EEF1AKMT2: variants seen among roughly 807,000 people sequenced by gnomAD.
EEF1AKMT2 encodes eukaryotic translation elongation factor 1 alpha lysine methyltransferase 2.
A neutral mutation model predicts 35.8 loss-of-function variants in EEF1AKMT2; 32 were observed. The observed-to-expected ratio is 0.89, with a 90% CI of 0.67 to 1.20. The LOEUF (loss-of-function observed/expected upper bound fraction) is 1.20, where lower values mean the gene tolerates loss of function less well. Ranked by LOEUF, EEF1AKMT2 falls within the 50% of genes most tolerant of loss-of-function variation. The pLI, the probability that EEF1AKMT2 is intolerant of heterozygous loss-of-function variation, is 0.00. For synonymous variants in EEF1AKMT2, 121 were observed against 133.7 expected (o/e 0.91, Z 0.65); for missense variants, 330 against 347.5 (o/e 0.95, Z 0.40).
At chr10:124,784,101 G>A (rs1246639275) in intron 3 of EEF1AKMT2, among the ~76,000 whole-genome samples, 1 of 152,116 alleles carries the variant, frequency 6.6e-6, no homozygotes, top group African/African-American at 2.4e-5. Flanking sequence ...TGGGATTACA[G>A]GTGTAAGCCA....
chr10:124,761,912 ACT>A (rs1377890674), intron 6 of EEF1AKMT2, among the ~76,000 whole-genome samples: 2 of 152,192 alleles, frequency 1.3e-5, no homozygotes, highest in Admixed American at 1.3e-4. Flanking sequence ...ACAGAGCCAG[ACT>A]CTGTCTCAAA....
chr10:124,790,562 A>T (rs1223538067), intron 1 of EEF1AKMT2, among the ~76,000 whole-genome samples: 1 of 152,098 alleles, frequency 6.6e-6, no homozygotes, highest in Non-Finnish European at 1.5e-5. Context: ...AGCATTTAGG[A>T]CAATATCTGA....
intron 4 of EEF1AKMT2, among the ~76,000 whole-genome samples, chr10:124,771,310 A>G (rs1950432642): frequency 6.6e-6 from 1 of 151,776 alleles, no homozygotes; most frequent in Non-Finnish European, 1.5e-5. Flanking sequence ...CATGTTAGCC[A>G]GGATGGTCTT....
chr10:124,790,409 A>ATT, intron 1 of EEF1AKMT2, 71 bp from the exon 2 acceptor site: 1 of 1,070,470 alleles, frequency 9.3e-7, no homozygotes, highest in East Asian at 2.4e-5. Context: ...GTATGTTTCT[A>ATT]ATACATTACA....
chr10:124,768,564 C>A (rs982689994), intron 4 of EEF1AKMT2, among the ~76,000 whole-genome samples: 7 of 152,006 alleles, frequency 4.6e-5, no homozygotes, highest in Admixed American at 3.3e-4. Flanking sequence ...GAGCGACGTG[C>A]TGAAATCCCA....
intron 3 of EEF1AKMT2, among the ~76,000 whole-genome samples, chr10:124,776,991 T>C (rs1950492842): frequency 6.6e-6 from 1 of 151,532 alleles, no homozygotes; most frequent in South Asian, 2.1e-4. Context: ...ATCAAAGACA[T>C]AATATGGGCC....
At chr10:124,789,454 CT>C (rs1254277995) in intron 2 of EEF1AKMT2, among the ~76,000 whole-genome samples, 1 of 152,158 alleles carries the variant, frequency 6.6e-6, no homozygotes, top group Non-Finnish European at 1.5e-5. Flanking sequence ...GGGTGAAATG[CT>C]GTCATCAAAC....
At chr10:124,783,395 T>C (rs1328965138) in intron 3 of EEF1AKMT2, among the ~76,000 whole-genome samples, 7 of 152,100 alleles carry the variant, frequency 4.6e-5, no homozygotes, top group Admixed American at 4.6e-4. Flanking sequence ...CCACCGGCCT[T>C]GGCCTCCCAG....
intron 3 of EEF1AKMT2, among the ~76,000 whole-genome samples, chr10:124,779,417 GCCA>G (rs1950517119): frequency 6.7e-6 from 1 of 149,216 alleles, no homozygotes; most frequent in African/African-American, 2.4e-5. Flanking sequence ...ATAGGTGTGA[GCCA>G]CCATGCCCAG....
At chr10:124,789,480 T>G (rs1224736397) in intron 2 of EEF1AKMT2, among the ~76,000 whole-genome samples, 1 of 152,102 alleles carries the variant, frequency 6.6e-6, no homozygotes, top group African/African-American at 2.4e-5. Context: ...ATGTGAGATA[T>G]TAAAAGAGGG....
rs1564897674 is a variant in EEF1AKMT2, at chr10:124,757,901, G to A, written c.*2602C>T. ...AGGTTTGATTCTCACATACATAAATGCCAGTCCCAAAAAGCAACTCTAACT... is the reference window on the plus strand; with the variant it reads ...AGGTTTGATTCTCACATACATAAATACCAGTCCCAAAAAGCAACTCTAACT... On this transcript the variant is annotated 3_prime_UTR_variant, in exon 7 of 7. Coordinates refer to ENST00000368836, the MANE Select transcript of EEF1AKMT2 (RefSeq NM_212554.4). The A allele has an allele frequency of 6.6e-6, 1 of 152,094 alleles. No homozygotes were observed. The highest frequency in any genetic ancestry group is 1.5e-5 in the Non-Finnish European group (1 of 68,028). The allele number at this position is 152,094 out of a possible 1,614,324, so 9.4% of individuals were successfully genotyped here. A position where few individuals can be genotyped will look rare whatever the true frequency, so the allele number is the denominator to read the frequency against.
At chr10:124,779,874 AAC>A (rs1473904531) in intron 3 of EEF1AKMT2, among the ~76,000 whole-genome samples, 1 of 151,132 alleles carries the variant, frequency 6.6e-6, no homozygotes, top group Admixed American at 6.6e-5. Flanking sequence ...CATCCTGGCT[AAC>A]AGAGTGAAAC....
At chr10:124,776,011 G>A (rs998246018) in intron 3 of EEF1AKMT2, among the ~76,000 whole-genome samples, 3 of 151,252 alleles carry the variant, frequency 2.0e-5, no homozygotes, top group South Asian at 2.1e-4. Flanking sequence ...TCTGCCTCCC[G>A]GGTTCACACC....
chr10:124,782,454 C>T (rs1364130610), intron 3 of EEF1AKMT2, among the ~76,000 whole-genome samples: 2 of 150,970 alleles, frequency 1.3e-5, no homozygotes, highest in South Asian at 2.1e-4. Context: ...TGGTAGCGGG[C>T]GCCTGTAGTC....
At chr10:124,757,065 A>AT (rs1185050686), downstream of EEF1AKMT2, among the ~76,000 whole-genome samples, 4 of 152,076 alleles carry the variant, frequency 2.6e-5, no homozygotes, top group African/African-American at 9.6e-5. Flanking sequence ...TCAGCCATAT[A>AT]TGCTCTTCAC....
intron 3 of EEF1AKMT2, chr10:124,782,807 CTG>C (rs1017991232): frequency 4.8e-5 from 8 of 167,880 alleles, no homozygotes; most frequent in African/African-American, 3.2e-4. Flanking sequence ...GAGTGAAACT[CTG>C]TCTCAAAAAA....
rs974609911 is a variant in EEF1AKMT2 at position 124,789,128 on chromosome 10, A to G, written c.206T>C (p.Ile69Thr). ...WFGEESMNRLIRWMQKHKIPL... is the reference protein window; with the variant it reads ...WFGEESMNRLTRWMQKHKIPL... The stretch of plus-strand genomic sequence containing the variant: ...AATCTTGTGTTTCTGCATCCACCTT[A>G]TTAGTCGATTCATACTCTCTTCTCC... Residue 69 changes from isoleucine to threonine, a missense_variant, in exon 3 of 7, where the codon ATA becomes ACA. Coordinates refer to ENST00000368836, the MANE Select transcript of EEF1AKMT2 (RefSeq NM_212554.4). The G allele has an allele frequency of 2.5e-6, 4 of 1,613,384 alleles. No individual in the cohort carries two copies. Among genetic ancestry groups the G allele is most frequent in the Non-Finnish European group, 3.4e-6 (4 of 1,179,608 alleles).
intron 3 of EEF1AKMT2, chr10:124,782,894 C>A: frequency 2.3e-5 from 8 of 348,998 alleles, no homozygotes; most frequent in South Asian, 4.4e-5. Context: ...TCACATTGAA[C>A]ATAAATGTTC....
At chr10:124,781,618 C>CAA (rs34232151) in intron 3 of EEF1AKMT2, among the ~76,000 whole-genome samples, 4,563 of 100,846 alleles carry the variant, frequency 0.045, 222 homozygotes, top group Admixed American at 0.079. Flanking sequence ...TATATTCAGC[C>CAA]AAAAAAAAAA....
Sources: allele counts gnomAD v4.1 joint callset (sites outside exome capture counted in the v4.1 genomes callset), GRCh38; gene constraint gnomAD v4.1.1; transcripts MANE v1.5; gene names NCBI Gene and HGNC (gene_info 2026-07-23, HGNC 2026-07-21).